The following ANO2 variants were observed in gnomAD, a reference collection of about 807,000 sequenced individuals.
ANO2 encodes anoctamin 2.
ANO2 carries 101 observed loss-of-function variants against 124.2 expected under a neutral mutation model. That is an observed-to-expected ratio of 0.81 (90% CI 0.69 to 0.96). The LOEUF (loss-of-function observed/expected upper bound fraction) is 0.96. ANO2 is among the 40% of genes least tolerant of loss of function. ANO2 has a pLI of 0.00. For missense variants in ANO2, 1,293 were observed against 1,274.5 expected, an observed-to-expected ratio of 1.01 and a Z score of -0.22; for synonymous variants, 486 against 482.5, an observed-to-expected ratio of 1.01 and a Z score of -0.09.
chr12:5,869,231 C>G (rs1353440897), intron 3 of ANO2, among the ~76,000 whole-genome samples: 2 of 152,168 alleles, frequency 1.3e-5, no homozygotes, highest in Non-Finnish European at 2.9e-5. Context: ...CCGAGTAGCA[C>G]CTCCTCCAAG....
chr12:5,598,740 C>T (rs1943785722), intron 20 of ANO2, among the ~76,000 whole-genome samples: 1 of 152,182 alleles, frequency 6.6e-6, no homozygotes. Flanking sequence ...AAACATCCAT[C>T]CCAATAGAAG....
At chr12:5,779,866 A>T (rs1034186554) in intron 10 of ANO2, among the ~76,000 whole-genome samples, 2 of 152,252 alleles carry the variant, frequency 1.3e-5, no homozygotes, top group Admixed American at 1.3e-4. Flanking sequence ...TGAAAGACGA[A>T]GAAAGGATTC....
rs181713889 is a variant in ANO2, at chr12:5,604,506, T to C, written c.2088-4877A>G. Among the ~76,000 whole-genome samples the C allele has an allele frequency of 4.8e-3, 728 of 151,922 alleles. 5 individuals are homozygous for C. Among genetic ancestry groups the C allele is most frequent in the African/African-American group, 0.017 (689 of 41,402 alleles). On this transcript the variant is annotated intron_variant, in intron 19 of 24. Coordinates refer to ENST00000682330, the MANE Select transcript of ANO2 (RefSeq NM_001364791.2). ...AGCGTGCGTCAGAAAAGTTATGGGA[T>C]GGGATAGAGGGAAAGGAGCCTTCAA...
chr12:5,683,074 A>G (rs1427215324), intron 14 of ANO2, among the ~76,000 whole-genome samples: 1 of 152,140 alleles, frequency 6.6e-6, no homozygotes, highest in Non-Finnish European at 1.5e-5. Context: ...GACCCAGTAG[A>G]GACTGTATAC....
At chr12:5,916,320 A>G (rs1941371569) in intron 3 of ANO2, among the ~76,000 whole-genome samples, 1 of 152,014 alleles carries the variant, frequency 6.6e-6, no homozygotes, top group Admixed American at 6.6e-5. Context: ...GTACATGCAG[A>G]ACGTGAATGG....
At chr12:5,780,618 T>C (rs1174487493) in intron 10 of ANO2, among the ~76,000 whole-genome samples, 1 of 152,164 alleles carries the variant, frequency 6.6e-6, no homozygotes, top group Non-Finnish European at 1.5e-5. Flanking sequence ...GAAATAATTA[T>C]CTGAGCATGA....
chr12:5,706,933 C>T (rs933373177), intron 14 of ANO2, among the ~76,000 whole-genome samples: 2 of 152,188 alleles, frequency 1.3e-5, no homozygotes, highest in Non-Finnish European at 2.9e-5. Flanking sequence ...CTTGTAAGAC[C>T]GGGATTCTAC....
chr12:5,868,089 T>G (rs1955478243), intron 3 of ANO2, among the ~76,000 whole-genome samples: 1 of 152,184 alleles, frequency 6.6e-6, no homozygotes, highest in African/African-American at 2.4e-5. Context: ...ACACAAAGGA[T>G]AAATGTTTGA....
At chr12:5,938,922 TA>T (rs767478777) in intron 1 of ANO2, among the ~76,000 whole-genome samples, 3 of 151,874 alleles carry the variant, frequency 2.0e-5, no homozygotes, top group Admixed American at 6.5e-5. Flanking sequence ...TATTTTTTTT[TA>T]AAAATAATTT....
intron 14 of ANO2, among the ~76,000 whole-genome samples, chr12:5,731,959 T>C (rs1408126216): frequency 3.3e-5 from 5 of 152,246 alleles, no homozygotes; most frequent in Admixed American, 6.5e-5. Flanking sequence ...CTGTATGGCA[T>C]AGCGGTTAGA....
intron 14 of ANO2, among the ~76,000 whole-genome samples, chr12:5,719,235 C>T (rs936403366): frequency 6.6e-6 from 1 of 152,190 alleles, no homozygotes; most frequent in Non-Finnish European, 1.5e-5. Context: ...TTTTTGGTGG[C>T]CTGAGCCTTC....
intron 1 of ANO2, among the ~76,000 whole-genome samples, chr12:5,938,020 G>A (rs374261670): frequency 1.6e-4 from 24 of 152,284 alleles, no homozygotes; most frequent in African/African-American, 5.8e-4. Flanking sequence ...TTTCTGTTCT[G>A]ATCTCAATGC....
intron 16 of ANO2, among the ~76,000 whole-genome samples, chr12:5,626,553 G>A (rs1388977994): frequency 6.6e-6 from 1 of 152,100 alleles, no homozygotes; most frequent in African/African-American, 2.4e-5. Flanking sequence ...CGAAGGGCAG[G>A]TTCTACCCAG....
Position 5,830,465 on chromosome 12 carries a change from G to T in ANO2, c.810C>A (p.Thr270=), listed in dbSNP as rs1211773050. 1 of 1,612,900 alleles carries T rather than the reference G, an allele frequency of 6.2e-7. No individual in the cohort carries two copies. Among genetic ancestry groups the T allele is most frequent in the East Asian group, 2.2e-5 (1 of 44,864 alleles). ...MYLYNIQEKD[T]FFDNATRSRI... is the part of the protein sequence containing the mutation. ...GGCTGCGGGTGGCATTATCAAAGAA[G>T]GTGTCCTTTTCCTGGATGTTGTACC... is the stretch of plus-strand genomic sequence containing the variant. Residue 270 remains threonine (T), a synonymous_variant, in exon 6 of 25, where the codon ACC becomes ACA. Transcript: ENST00000682330.
chr12:5,861,865 G>A (rs1955280841), intron 3 of ANO2, among the ~76,000 whole-genome samples: 1 of 152,118 alleles, frequency 6.6e-6, no homozygotes, highest in African/African-American at 2.4e-5. Flanking sequence ...CTGAGATGGT[G>A]GCCAGGGCAG....
At chr12:5,771,152 T>C (rs1952067316) in intron 10 of ANO2, among the ~76,000 whole-genome samples, 1 of 152,252 alleles carries the variant, frequency 6.6e-6, no homozygotes, top group Non-Finnish European at 1.5e-5. Context: ...GCCTAGAATG[T>C]GCTTGGTGCA....
chr12:5,841,836 T>C (rs1200933943), intron 4 of ANO2, among the ~76,000 whole-genome samples: 2 of 152,340 alleles, frequency 1.3e-5, no homozygotes, highest in East Asian at 3.9e-4. Context: ...CCCAGTCTTT[T>C]TCTTCTGTTG....
rs369494472 is a variant in ANO2, at chr12:5,582,260, A to G, written c.2234-3742T>C. Among the ~76,000 whole-genome samples, 22 of 152,358 alleles carry G rather than the reference A, an allele frequency of 1.4e-4. No individual in the cohort carries two copies. The South Asian group carries it at 1.9e-3, about 13-fold the overall frequency. The stretch of plus-strand genomic sequence containing the variant: ...AGTTGATTTTCAACCAAATCTTTAT[A>G]AAGCCTGCTGTAAAATGCTCCAGTA... On this transcript the variant is annotated intron_variant, in intron 20 of 24. Coordinates refer to ENST00000682330, the MANE Select transcript of ANO2 (RefSeq NM_001364791.2).
chr12:5,589,176 C>G (rs1207990683), intron 20 of ANO2, among the ~76,000 whole-genome samples: 3 of 152,200 alleles, frequency 2.0e-5, no homozygotes, highest in Admixed American at 2.0e-4. Context: ...TGAACTTCAT[C>G]TTCTCTCCCA....
Sources: allele counts gnomAD v4.1 joint callset (sites outside exome capture counted in the v4.1 genomes callset), GRCh38; gene constraint gnomAD v4.1.1; transcripts MANE v1.5; gene names NCBI Gene and HGNC (gene_info 2026-07-23, HGNC 2026-07-21).